Variants in LHFPL3 observed in about 807,000 individuals in gnomAD.
The protein encoded by LHFPL3 is LHFPL tetraspan subfamily member 3 protein.
In LHFPL3, 5 loss-of-function variants were observed where a neutral mutation model predicts 19.3. The observed-to-expected ratio is 0.26, with a 90% CI of 0.14 to 0.54. The LOEUF (loss-of-function observed/expected upper bound fraction) is 0.54, where lower values mean the gene tolerates loss of function less well. Among genes scored for constraint, LHFPL3 ranks in the 20% least tolerant of loss-of-function variants. The pLI is 0.94. For missense variants in LHFPL3, 249 were observed against 307.4 expected, an observed-to-expected ratio of 0.81 and a Z score of 1.42; for synonymous variants, 133 against 126.2, an observed-to-expected ratio of 1.05 and a Z score of -0.36.
chr7:104,732,586 TC>T (rs1473539268), intron 1 of LHFPL3, among the ~76,000 whole-genome samples: 1 of 152,218 alleles, frequency 6.6e-6, no homozygotes, highest in African/African-American at 2.4e-5. Flanking sequence ...TTTATCATTT[TC>T]TATTGCATCT....
intron 1 of LHFPL3, among the ~76,000 whole-genome samples, chr7:104,638,521 T>C (rs564830091): frequency 2.0e-4 from 30 of 152,254 alleles, no homozygotes; most frequent in African/African-American, 7.2e-4. Flanking sequence ...ATATTGACTG[T>C]GTGTTTGTCA....
chr7:104,400,629 A>G (rs1584294453), intron 1 of LHFPL3, among the ~76,000 whole-genome samples: 1 of 152,302 alleles, frequency 6.6e-6, no homozygotes, highest in East Asian at 1.9e-4. Context: ...ATACATGAAA[A>G]AAATCTAGAA....
intron 1 of LHFPL3, among the ~76,000 whole-genome samples, chr7:104,510,487 C>A (rs1398199411): frequency 6.6e-6 from 1 of 152,062 alleles, no homozygotes; most frequent in Admixed American, 6.6e-5. Flanking sequence ...CTGGACATTC[C>A]TAGGCATAAA....
intron 2 of LHFPL3, among the ~76,000 whole-genome samples, chr7:104,893,836 C>T (rs1382390201): frequency 1.3e-5 from 2 of 151,898 alleles, no homozygotes; most frequent in Non-Finnish European, 2.9e-5. Context: ...CCTGTAATCC[C>T]AGCTACTCAG....
intron 1 of LHFPL3, among the ~76,000 whole-genome samples, chr7:104,429,256 G>A (rs1791903898): frequency 6.7e-6 from 1 of 149,590 alleles, no homozygotes; most frequent in South Asian, 2.1e-4. Flanking sequence ...TAACCTCCTG[G>A]GAAAGATCCA....
intron 1 of LHFPL3, among the ~76,000 whole-genome samples, chr7:104,446,935 G>A (rs1792341484): frequency 6.6e-6 from 1 of 151,996 alleles, no homozygotes; most frequent in South Asian, 2.1e-4. Context: ...TTTATCACCT[G>A]GAATTTTGTC....
At chr7:104,900,901 AC>A (rs1376054547) in intron 2 of LHFPL3, among the ~76,000 whole-genome samples, 15 of 152,240 alleles carry the variant, frequency 9.9e-5, no homozygotes, top group African/African-American at 3.6e-4. Context: ...GCATTGAATG[AC>A]TTATTTATTC....
At chr7:104,722,667 C>A (rs1793510303) in intron 1 of LHFPL3, among the ~76,000 whole-genome samples, 1 of 152,124 alleles carries the variant, frequency 6.6e-6, no homozygotes, top group Non-Finnish European at 1.5e-5. Context: ...TAGGAATGAG[C>A]CTTCTATCTC....
chr7:104,374,615 T>A (rs1790675018), intron 1 of LHFPL3, among the ~76,000 whole-genome samples: 1 of 152,034 alleles, frequency 6.6e-6, no homozygotes, highest in African/African-American at 2.4e-5. Context: ...AAATGGAAAT[T>A]AAGACACAGC....
chr7:104,691,774 G>A (rs1016402985), intron 1 of LHFPL3, among the ~76,000 whole-genome samples: 1 of 152,254 alleles, frequency 6.6e-6, no homozygotes, highest in Admixed American at 6.5e-5. Flanking sequence ...GACCTCAGCA[G>A]TGGTTGGAAG....
chr7:104,682,829 C>A (rs1258263206), intron 1 of LHFPL3, among the ~76,000 whole-genome samples: 1 of 152,136 alleles, frequency 6.6e-6, no homozygotes, highest in Non-Finnish European at 1.5e-5. Flanking sequence ...CAGGGGGAAT[C>A]ATTTTCTTTT....
intron 1 of LHFPL3, among the ~76,000 whole-genome samples, chr7:104,393,949 G>A (rs117607101): frequency 0.036 from 5,420 of 152,170 alleles, 142 homozygotes; most frequent in Non-Finnish European, 0.051. Flanking sequence ...TTGAGGGTAG[G>A]AGGAGTGGGA....
At chr7:104,836,680 A>G (rs564132681) in intron 2 of LHFPL3, among the ~76,000 whole-genome samples, 6 of 152,156 alleles carry the variant, frequency 3.9e-5, no homozygotes, top group African/African-American at 4.8e-5. Context: ...TCTGTTTTTT[A>G]TAAGTTCACT....
At chr7:104,801,575 T>C (rs1790247227) in intron 2 of LHFPL3, among the ~76,000 whole-genome samples, 1 of 152,188 alleles carries the variant, frequency 6.6e-6, no homozygotes. Context: ...TGTTTTGTTT[T>C]TGTTTTTGTT....
chr7:104,390,744 T>C (rs1390763066), intron 1 of LHFPL3, among the ~76,000 whole-genome samples: 1 of 152,212 alleles, frequency 6.6e-6, no homozygotes, highest in Non-Finnish European at 1.5e-5. Flanking sequence ...TTCTAGATCC[T>C]TGAGGAATCT....
chr7:104,729,194 A>T (rs1031894319), intron 1 of LHFPL3, among the ~76,000 whole-genome samples: 2 of 152,226 alleles, frequency 1.3e-5, no homozygotes, highest in South Asian at 2.1e-4. Flanking sequence ...AAATATCAGC[A>T]TGCATTGCAT....
chr7:104,493,504 T>C (rs1292156474), intron 1 of LHFPL3, among the ~76,000 whole-genome samples: 7 of 152,048 alleles, frequency 4.6e-5, no homozygotes, highest in African/African-American at 7.2e-5. Flanking sequence ...TTCAGCTAGA[T>C]GGCCTCCAGT....
chr7:104,523,537 G>A (rs2115819761), intron 1 of LHFPL3, among the ~76,000 whole-genome samples: 1 of 152,292 alleles, frequency 6.6e-6, no homozygotes, highest in African/African-American at 2.4e-5. Context: ...GGTGTTGTCT[G>A]TCATTCCTTC....
intron 1 of LHFPL3, among the ~76,000 whole-genome samples, chr7:104,525,403 G>T (rs146893136): frequency 5.0e-4 from 76 of 152,114 alleles, no homozygotes; most frequent in African/African-American, 1.7e-3. Context: ...GGATAATGCA[G>T]ATACTTTTGG....
Sources: allele counts gnomAD v4.1 joint callset (sites outside exome capture counted in the v4.1 genomes callset), GRCh38; gene constraint gnomAD v4.1.1; transcripts MANE v1.5; gene names NCBI Gene and HGNC (gene_info 2026-07-23, HGNC 2026-07-21).